Variants in ETV6 observed in about 807,000 individuals in gnomAD.
ETV6 encodes transcription factor ETV6.
A neutral mutation model predicts 51.1 loss-of-function variants in ETV6; 16 were observed. The observed-to-expected ratio is 0.31, with a 90% CI of 0.21 to 0.48. ETV6 has a LOEUF of 0.48. Among genes scored for constraint, ETV6 ranks in the 20% least tolerant of loss-of-function variants. The pLI is 0.99. For missense variants in ETV6, 458 were observed against 594.8 expected, an observed-to-expected ratio of 0.77 and a Z score of 2.39; for synonymous variants, 240 against 224.1, an observed-to-expected ratio of 1.07 and a Z score of -0.64.
intron 2 of ETV6, among the ~76,000 whole-genome samples, chr12:11,769,384 T>A (rs1945207572): frequency 6.6e-6 from 1 of 152,172 alleles, no homozygotes; most frequent in East Asian, 1.9e-4. Context: ...GGCCAAAATA[T>A]TTCTTAAAAT....
chr12:11,710,501 A>G (rs1393005347), intron 1 of ETV6, among the ~76,000 whole-genome samples: 1 of 152,200 alleles, frequency 6.6e-6, no homozygotes, highest in East Asian at 1.9e-4. Context: ...TTGCAGTGAG[A>G]AAATGGCAAG....
intron 1 of ETV6, among the ~76,000 whole-genome samples, chr12:11,672,784 G>A (rs1864344795): frequency 6.6e-6 from 1 of 152,208 alleles, no homozygotes; most frequent in Admixed American, 6.5e-5. Context: ...TTAAGAAAGG[G>A]ACCACTTGGC....
chr12:11,888,250 C>T (rs1947228584), intron 7 of ETV6, among the ~76,000 whole-genome samples: 1 of 152,174 alleles, frequency 6.6e-6, no homozygotes, highest in East Asian at 1.9e-4. Flanking sequence ...TTAATACCTA[C>T]ACCCTCAAGG....
At chr12:11,774,357 G>C (rs985119168) in intron 2 of ETV6, among the ~76,000 whole-genome samples, 1 of 152,200 alleles carries the variant, frequency 6.6e-6, no homozygotes, top group Non-Finnish European at 1.5e-5. Context: ...CCACGCAAGA[G>C]AGTCTGCAGT....
At chr12:11,773,445 C>A (rs1205326819) in intron 2 of ETV6, among the ~76,000 whole-genome samples, 1 of 152,068 alleles carries the variant, frequency 6.6e-6, no homozygotes, top group African/African-American at 2.4e-5. Flanking sequence ...AATTTGAGAA[C>A]ATGGTTTCCT....
In ETV6 at chr12:11,778,412, C is replaced by G. The variant is rs142991556; in HGVS notation, c.163+25833C>G. On this transcript the variant is annotated intron_variant, in intron 2 of 7. Transcript: ENST00000396373. ...GAAACTTTTTTCCCAGAAAATGAGG[C>G]CTGGCTGGTGCTCATCCTGAGTTCC... Among the ~76,000 whole-genome samples the G allele has an allele frequency of 2.6e-5, 4 of 152,310 alleles. No homozygotes were observed. The East Asian group carries it at 7.7e-4, about 29-fold the overall frequency.
rs752427976 is a variant in ETV6 at position 11,853,423 on chromosome 12, C to G, written c.329-4C>G. On this transcript the variant is annotated splice_polypyrimidine_tract_variant and splice_region_variant and intron_variant, in intron 3 of 7. Coordinates refer to ENST00000396373, the MANE Select transcript of ETV6 (RefSeq NM_001987.5). ...CTCGATTTCCCTTTCCTTTTTCTTT[C>G]CAGGTGATGTGCTCTATGAACTCCT... The G allele has an allele frequency of 4.3e-6, 7 of 1,613,166 alleles. No individual in the cohort carries two copies. The South Asian group carries it at 6.6e-5, about 15-fold the overall frequency.
chr12:11,721,307 C>T (rs1865381470), intron 1 of ETV6, among the ~76,000 whole-genome samples: 1 of 152,206 alleles, frequency 6.6e-6, no homozygotes, highest in African/African-American at 2.4e-5. Flanking sequence ...GACATGGAAT[C>T]AACCTAGGTG....
chr12:11,688,775 T>C (rs1295675468), intron 1 of ETV6, among the ~76,000 whole-genome samples: 1 of 152,208 alleles, frequency 6.6e-6, no homozygotes, highest in Non-Finnish European at 1.5e-5. Flanking sequence ...GAGGTCTGGC[T>C]CTGGGTCCCA....
chr12:11,848,903 T>C (rs1946506205), intron 3 of ETV6, among the ~76,000 whole-genome samples: 1 of 152,186 alleles, frequency 6.6e-6, no homozygotes, highest in Non-Finnish European at 1.5e-5. Flanking sequence ...TACTAGTTAG[T>C]ACCAGTCACT....
chr12:11,721,300 A>G (rs1314664166), intron 1 of ETV6, among the ~76,000 whole-genome samples: 1 of 152,210 alleles, frequency 6.6e-6, no homozygotes, highest in Admixed American at 6.5e-5. Flanking sequence ...TATCAAAGAC[A>G]TGGAATCAAC....
At chr12:11,689,805 T>TCC (rs1190370416) in intron 1 of ETV6, among the ~76,000 whole-genome samples, 30 of 40,884 alleles carry the variant, frequency 7.3e-4, no homozygotes, top group South Asian at 1.3e-3. Flanking sequence ...GGAGTCTTTT[T>TCC]CCCTCCCCCC....
At position 11,885,946 on chromosome 12, in the gene ETV6, T is replaced by C. The variant is rs769767515; in HGVS notation, c.1173T>C (p.Tyr391=). The part of the protein sequence containing the change: ...GNHKNRTNMT[Y]EKMSRALRHY... ...AACAGAACAGAACAAACATGACCTA[T>C]GAGAAAATGTCCAGAGCCCTGCGCC... The change falls in exon 7 of 8, where the codon TAT becomes TAC. Residue 391 remains tyrosine, a synonymous_variant. Transcript: ENST00000396373. 2.5e-6 allele frequency: 4 copies of C among 1,613,106 alleles called. No individual in the cohort carries two copies. Among genetic ancestry groups the C allele is most frequent in the Non-Finnish European group, 3.4e-6 (4 of 1,179,142 alleles).
At chr12:11,858,326 G>T (rs1028409697) in intron 4 of ETV6, among the ~76,000 whole-genome samples, 1 of 151,906 alleles carries the variant, frequency 6.6e-6, no homozygotes, top group Non-Finnish European at 1.5e-5. Context: ...ATTTTGTCAC[G>T]TGCAGTTGTG....
chr12:11,841,577 A>C (rs1176607667), intron 3 of ETV6, among the ~76,000 whole-genome samples: 1 of 152,232 alleles, frequency 6.6e-6, no homozygotes, highest in Non-Finnish European at 1.5e-5. Context: ...GGTGCTATAT[A>C]GATCAGTTAG....
At position 11,853,432 on chromosome 12, in the gene ETV6, G is replaced by T; in HGVS notation, c.334G>T (p.Val112Leu). ...FRYRSPHSGDVLYELLQHILK... is the reference protein window; with the variant it reads ...FRYRSPHSGDLLYELLQHILK... Reference sequence around the variant, plus strand: ...CCTTTCCTTTTTCTTTCCAGGTGATGTGCTCTATGAACTCCTTCAGCATAT... The same window carrying T: ...CCTTTCCTTTTTCTTTCCAGGTGATTTGCTCTATGAACTCCTTCAGCATAT... The change falls in exon 4 of 8, where the codon GTG becomes TTG. Residue 112 changes from valine (V) to leucine (L), a missense_variant. Coordinates refer to ENST00000396373, the MANE Select transcript of ETV6 (RefSeq NM_001987.5). The T allele has an allele frequency of 6.2e-7, 1 of 1,614,088 alleles. No homozygotes were observed.
intron 2 of ETV6, among the ~76,000 whole-genome samples, chr12:11,760,870 T>C (rs1357657090): frequency 1.8e-5 from 2 of 108,918 alleles, no homozygotes; most frequent in Non-Finnish European, 3.9e-5. Context: ...ACTACTATTA[T>C]TATATATATG....
At chr12:11,754,794 G>A (rs1226713501) in intron 2 of ETV6, among the ~76,000 whole-genome samples, 20 of 152,190 alleles carry the variant, frequency 1.3e-4, no homozygotes, top group Admixed American at 1.3e-3. Flanking sequence ...TGTGTGCCTA[G>A]CACACAACCA....
At chr12:11,809,502 G>A (rs947266449) in intron 2 of ETV6, among the ~76,000 whole-genome samples, 1 of 152,178 alleles carries the variant, frequency 6.6e-6, no homozygotes, top group African/African-American at 2.4e-5. Context: ...AAACATTAAT[G>A]TGTCTTGACT....
Sources: allele counts gnomAD v4.1 joint callset (sites outside exome capture counted in the v4.1 genomes callset), GRCh38; gene constraint gnomAD v4.1.1; transcripts MANE v1.5; gene names NCBI Gene and HGNC (gene_info 2026-07-23, HGNC 2026-07-21).